CDYL: variants seen among roughly 807,000 people sequenced by gnomAD.
CDYL encodes the protein chromodomain Y like.
Under a neutral mutation model 47.3 loss-of-function variants are expected in CDYL, and 8 were observed. The ratio of observed to expected loss-of-function variants is 0.17; its 90% confidence interval spans 0.10 to 0.31. The LOEUF is 0.31. Among genes scored for constraint, CDYL ranks in the 10% least tolerant of loss-of-function variants. The probability of loss-of-function intolerance (pLI) is 1.00; values close to 1 mark genes in which losing one functional copy is unlikely to be tolerated. For synonymous variants in CDYL, 266 were observed against 265.0 expected (o/e 1.00, Z -0.04); for missense variants, 471 against 701.4 (o/e 0.67, Z 3.71).
intron 3 of CDYL, among the ~76,000 whole-genome samples, chr6:4,748,307 G>A (rs1281328177): frequency 6.6e-6 from 1 of 152,046 alleles, no homozygotes; most frequent in Non-Finnish European, 1.5e-5. Context: ...AAGACTGCTT[G>A]AGGCCAGGAG....
At chr6:4,906,805 G>A (rs1757251076) in intron 2 of CDYL, among the ~76,000 whole-genome samples, 1 of 149,348 alleles carries the variant, frequency 6.7e-6, no homozygotes. Flanking sequence ...TTTATCTGGG[G>A]GAGAAGGAGG....
chr6:4,767,259 TA>T (rs35058381), intron 3 of CDYL, among the ~76,000 whole-genome samples: 3,157 of 144,920 alleles, frequency 0.022, 83 homozygotes, highest in African/African-American at 0.062. Flanking sequence ...TCATTCATGA[TA>T]AAAAAAAAAA....
chr6:4,801,063 T>A (rs1759212421), intron 1 of CDYL, among the ~76,000 whole-genome samples: 1 of 152,242 alleles, frequency 6.6e-6, no homozygotes, highest in Non-Finnish European at 1.5e-5. Flanking sequence ...TTCTACTTAT[T>A]TTTCATTCAT....
Position 4,881,295 on chromosome 6 carries a change from A to C in CDYL, c.25-10418A>C, listed in dbSNP as rs186844210. 3.4e-4 allele frequency among the ~76,000 whole-genome samples: 51 copies of C among 152,082 alleles called. 1 individual carries two copies. Among genetic ancestry groups the C allele is most frequent in the African/African-American group, 1.2e-3 (49 of 41,454 alleles). On this transcript the variant is annotated intron_variant, in intron 1 of 6. Transcript: ENST00000397588. ...TATTATTGAAATTTGACATTTCGTT[A>C]TAATTCTCTAATGGCTTTTAGTTAT...
chr6:4,744,011 C>T (rs1339304631), intron 3 of CDYL, among the ~76,000 whole-genome samples: 1 of 152,048 alleles, frequency 6.6e-6, no homozygotes, highest in African/African-American at 2.4e-5. Context: ...TGTAGTTTCT[C>T]ATAAGGAGGG....
chr6:4,819,162 C>CTCTCTGTGTGTGTG (rs1016051589), intron 1 of CDYL, among the ~76,000 whole-genome samples: 22 of 111,990 alleles, frequency 2.0e-4, no homozygotes, highest in African/African-American at 1.1e-3. Flanking sequence ...CTCTCTCTCT[C>CTCTCTGTGTGTGTG]TGTGTGTGTG....
At chr6:4,855,354 G>A (rs1210871689) in intron 1 of CDYL, among the ~76,000 whole-genome samples, 1 of 152,134 alleles carries the variant, frequency 6.6e-6, no homozygotes. Flanking sequence ...ACAGTGTCAT[G>A]ATCAGAGCTC....
chr6:4,759,811 G>GGA (rs1298099582), intron 3 of CDYL, among the ~76,000 whole-genome samples: 2 of 139,394 alleles, frequency 1.4e-5, no homozygotes, highest in Non-Finnish European at 3.1e-5. Context: ...CCCAGGAGGT[G>GGA]GAGGTTGCAG....
chr6:4,821,221 A>AATC (rs1197365595), intron 1 of CDYL, among the ~76,000 whole-genome samples: 1 of 151,632 alleles, frequency 6.6e-6, no homozygotes, highest in Admixed American at 6.6e-5. Context: ...ACAAAATGTA[A>AATC]ATCAGAGGAG....
chr6:4,720,115 A>T (rs1007109051), intron 2 of CDYL, among the ~76,000 whole-genome samples: 2 of 152,262 alleles, frequency 1.3e-5, no homozygotes, highest in Non-Finnish European at 2.9e-5. Context: ...AGCTAGAAAG[A>T]GTTTCCTGGG....
At chr6:4,926,038 G>GT (rs1757863896) in intron 2 of CDYL, among the ~76,000 whole-genome samples, 1 of 152,162 alleles carries the variant, frequency 6.6e-6, no homozygotes, top group Non-Finnish European at 1.5e-5. Flanking sequence ...TAACCACCGA[G>GT]TTTTTTATTG....
At chr6:4,865,038 C>T (rs543931692) in intron 1 of CDYL, among the ~76,000 whole-genome samples, 2 of 152,304 alleles carry the variant, frequency 1.3e-5, no homozygotes, top group South Asian at 4.1e-4. Context: ...AGTTTAACTT[C>T]CTGGTTCTCT....
intron 2 of CDYL, among the ~76,000 whole-genome samples, chr6:4,894,851 G>GTGTGTGTGTGTGTGTA (rs1561692179): frequency 6.7e-5 from 7 of 104,450 alleles, no homozygotes; most frequent in African/African-American, 2.5e-4. Flanking sequence ...GTGTGTGTGT[G>GTGTGTGTGTGTGTGTA]TGTGTATATG....
At chr6:4,920,979 C>T (rs1469453295) in intron 2 of CDYL, among the ~76,000 whole-genome samples, 3 of 135,760 alleles carry the variant, frequency 2.2e-5, no homozygotes, top group African/African-American at 8.3e-5. Flanking sequence ...TCAGTAACTG[C>T]ACCAGCATGA....
At chr6:4,822,150 A>AT (rs377026060) in intron 1 of CDYL, among the ~76,000 whole-genome samples, 315 of 138,352 alleles carry the variant, frequency 2.3e-3, no homozygotes, top group African/African-American at 7.7e-3. Flanking sequence ...TCTTTTCTTT[A>AT]TTTTTTTTTT....
At chr6:4,803,506 G>T (rs1328150450) in intron 1 of CDYL, among the ~76,000 whole-genome samples, 1 of 152,154 alleles carries the variant, frequency 6.6e-6, no homozygotes, top group Non-Finnish European at 1.5e-5. Flanking sequence ...AATTCTTTCA[G>T]GATTCTCTCA....
intron 2 of CDYL, chr6:4,724,264 T>A (rs997929931): frequency 2.0e-5 from 3 of 152,124 alleles, no homozygotes; most frequent in African/African-American, 7.2e-5. Context: ...TTGGCCCGGC[T>A]GGTCTCAAAC....
chr6:4,952,435 G>C, intron 6 of CDYL, 26 bp downstream of exon 6: 1 of 1,579,500 alleles, frequency 6.3e-7, no homozygotes, highest in South Asian at 1.2e-5. Flanking sequence ...TCTGTTACAC[G>C]TTACTTTTTA....
At chr6:4,831,502 T>C (rs1410561493) in intron 1 of CDYL, among the ~76,000 whole-genome samples, 2 of 152,212 alleles carry the variant, frequency 1.3e-5, no homozygotes, top group Non-Finnish European at 2.9e-5. Context: ...TAGTTTGACG[T>C]CAGGTGGCGT....
Sources: allele counts gnomAD v4.1 joint callset (sites outside exome capture counted in the v4.1 genomes callset), GRCh38; gene constraint gnomAD v4.1.1; transcripts MANE v1.5; gene names NCBI Gene and HGNC (gene_info 2026-07-23, HGNC 2026-07-21).